Variants in MGAT5B observed in about 807,000 individuals in gnomAD.
MGAT5B encodes N-acetylglucosaminyl-transferase Vb.
MGAT5B carries 54 observed loss-of-function variants against 95.1 expected under a neutral mutation model. That is an observed-to-expected ratio of 0.57 (90% CI 0.46 to 0.71). The LOEUF is 0.71. Among genes scored for constraint, MGAT5B ranks in the 30% least tolerant of loss-of-function variants. The probability of loss-of-function intolerance (pLI) is 0.00; values close to 1 mark genes in which losing one functional copy is unlikely to be tolerated. For missense variants in MGAT5B, 935 were observed against 1,088.6 expected, an observed-to-expected ratio of 0.86 and a Z score of 1.99; for synonymous variants, 464 against 451.0, an observed-to-expected ratio of 1.03 and a Z score of -0.36.
At chr17:76,925,695 C>T (rs1406516478) in intron 9 of MGAT5B, among the ~76,000 whole-genome samples, 10 of 152,190 alleles carry the variant, frequency 6.6e-5, no homozygotes, top group Non-Finnish European at 1.3e-4. Context: ...AATGCGAGTT[C>T]TCTATGCACT....
chr17:76,894,429 C>T lies in MGAT5B; in HGVS notation c.330-8126C>T, dbSNP rs146180028. Among the ~76,000 whole-genome samples, 33 of 152,318 alleles carry T rather than the reference C, an allele frequency of 2.2e-4. No homozygotes were observed. The East Asian group carries it at 5.8e-3, about 27-fold the overall frequency. ...CAGAGTATAGAAAGAGCTTGGCAAG[C>T]GAGTGCTCAATGCCTGTTGGCTGTG... On this transcript the variant is annotated intron_variant, in intron 3 of 17. Transcript: ENST00000569840.
intron 12 of MGAT5B, among the ~76,000 whole-genome samples, chr17:76,937,265 G>A (rs1264084816): frequency 6.6e-6 from 1 of 152,166 alleles, no homozygotes; most frequent in African/African-American, 2.4e-5. Flanking sequence ...CAAATATGGA[G>A]CTTCCATCAG....
chr17:76,868,798 G>A lies in MGAT5B; in HGVS notation c.-232G>A, dbSNP rs1048035766. ...CCCCAAAATGTGAAGCGGGGAGGGC[G>A]GAGACGCAGAGACGGCCCGGCCGGG... On this transcript the variant is annotated 5_prime_UTR_variant, in exon 1 of 18. Transcript: ENST00000569840. The surrounding 1 kb of genome is among the most constrained non-coding windows in gnomAD (Gnocchi z 6.3). 15 of 289,028 alleles carry A rather than the reference G, an allele frequency of 5.2e-5. No individual in the cohort carries two copies. The highest frequency in any genetic ancestry group is 7.0e-5 in the Non-Finnish European group (11 of 157,294). 17.9% of individuals were successfully genotyped at this position (289,028 alleles called of 1,614,324 possible). A position where few individuals can be genotyped will look rare whatever the true frequency, so the allele number is the denominator to read the frequency against.
At chr17:76,873,333 G>A (rs1452570444) in intron 2 of MGAT5B, among the ~76,000 whole-genome samples, 1 of 152,258 alleles carries the variant, frequency 6.6e-6, no homozygotes, top group Non-Finnish European at 1.5e-5. Context: ...CTGTGGCCAT[G>A]TGGGAACGGG....
At position 76,868,904 on chromosome 17, in the gene MGAT5B, G is replaced by T; in HGVS notation, c.-126G>T. On this transcript the variant is annotated 5_prime_UTR_variant, in exon 1 of 18. Coordinates refer to ENST00000569840, the MANE Select transcript of MGAT5B (RefSeq NM_001199172.2). This position sits in a 1 kb window ranked among gnomAD's most constrained non-coding sequence, Gnocchi z 6.3. ...GAGCAGCGAGGCCACCGGGCCGCGC[G>T]CTCCCAGCTTCGCTCGGACGCGGCT... 3 of 807,000 alleles carry T rather than the reference G, an allele frequency of 3.7e-6. No individual in the cohort carries two copies. The highest frequency in any genetic ancestry group is 3.8e-6 in the Non-Finnish European group (2 of 532,744). 50.0% of individuals were successfully genotyped at this position (807,000 alleles called of 1,614,324 possible). A position where few individuals can be genotyped will look rare whatever the true frequency, so the allele number is the denominator to read the frequency against.
intron 3 of MGAT5B, among the ~76,000 whole-genome samples, chr17:76,898,180 AG>A (rs1968169110): frequency 6.6e-6 from 1 of 152,186 alleles, no homozygotes; most frequent in Non-Finnish European, 1.5e-5. Flanking sequence ...TAGGTTACAT[AG>A]GATATTTCTA....
intron 3 of MGAT5B, among the ~76,000 whole-genome samples, chr17:76,890,961 CTTTTTTTTTTTTT>C (rs150133278): frequency 2.7e-5 from 3 of 111,648 alleles, no homozygotes; most frequent in Admixed American, 1.9e-4. Flanking sequence ...CTCTGGGGGC[CTTTTTTTTTTTTT>C]TTTTTTTGGA....
At chr17:76,874,332 C>T (rs980384289) in intron 2 of MGAT5B, among the ~76,000 whole-genome samples, 7 of 151,020 alleles carry the variant, frequency 4.6e-5, no homozygotes, top group African/African-American at 1.5e-4. Context: ...GGCACTGCAG[C>T]AAAGCGTGTT....
intron 15 of MGAT5B, among the ~76,000 whole-genome samples, chr17:76,941,233 C>A (rs191436302): frequency 6.6e-6 from 1 of 152,372 alleles, no homozygotes; most frequent in Admixed American, 6.5e-5. Context: ...GCAGCCTTTA[C>A]ACAGCACATT....
intron 3 of MGAT5B, 150 bp downstream of exon 3, chr17:76,882,448 A>G (rs1967463994): frequency 3.4e-6 from 3 of 881,956 alleles, no homozygotes; most frequent in Non-Finnish European, 4.7e-6. Flanking sequence ...CTACCACCCA[A>G]ATTTAACAAC....
intron 10 of MGAT5B, among the ~76,000 whole-genome samples, chr17:76,931,848 A>G (rs1855527895): frequency 6.6e-6 from 1 of 152,140 alleles, no homozygotes; most frequent in African/African-American, 2.4e-5. Flanking sequence ...GATGCTGCCT[A>G]TGGGCGCAGG....
At chr17:76,942,503 G>A (rs188647896) in intron 15 of MGAT5B, among the ~76,000 whole-genome samples, 340 of 152,182 alleles carry the variant, frequency 2.2e-3, no homozygotes, top group Non-Finnish European at 3.3e-3. Context: ...CTCCAGCCTC[G>A]GTGACAGAGC....
rs202083973 is a variant in MGAT5B, at chr17:76,938,159, C to T, written c.1584+16C>T. The T allele has an allele frequency of 5.6e-6, 9 of 1,612,380 alleles. No individual in the cohort carries two copies. In the East Asian group the frequency reaches 1.1e-4, roughly 20 times the overall value. ...CAAGGCCAAAGTGAGCTCCCATCCC[C>T]CGCACCATTCTCACACTTGCCGGCT... On this transcript the variant is annotated intron_variant, in intron 13 of 17. Coordinates refer to ENST00000569840, the MANE Select transcript of MGAT5B (RefSeq NM_001199172.2). The surrounding 1 kb of genome is among the most constrained non-coding windows in gnomAD (Gnocchi z 4.3).
intron 3 of MGAT5B, among the ~76,000 whole-genome samples, chr17:76,888,842 C>T (rs1464333743): frequency 1.3e-5 from 2 of 152,202 alleles, no homozygotes; most frequent in African/African-American, 4.8e-5. Flanking sequence ...GCATAGCTGC[C>T]TTCCAGAGTT....
chr17:76,947,242 C>G (rs945990185), intron 16 of MGAT5B, among the ~76,000 whole-genome samples: 8 of 152,168 alleles, frequency 5.3e-5, no homozygotes, highest in African/African-American at 1.9e-4. Flanking sequence ...TTGGCCCCAC[C>G]AATATTAGGG....
chr17:76,901,046 C>T (rs1348179337), intron 3 of MGAT5B, among the ~76,000 whole-genome samples: 3 of 152,222 alleles, frequency 2.0e-5, no homozygotes, highest in South Asian at 2.1e-4. Flanking sequence ...CCCTCCACTT[C>T]GGTGTCTGCT....
At chr17:76,919,628 G>A (rs1212954195) in intron 8 of MGAT5B, among the ~76,000 whole-genome samples, 1 of 152,064 alleles carries the variant, frequency 6.6e-6, no homozygotes, top group African/African-American at 2.4e-5. Flanking sequence ...ATGGGGTTTC[G>A]CCATGTCATC....
chr17:76,872,689 G>A, intron 1 of MGAT5B, 162 bp from the exon 2 acceptor site: 19 of 1,533,868 alleles, frequency 1.2e-5, no homozygotes, highest in Non-Finnish European at 1.7e-5. Flanking sequence ...TATAGTGGGG[G>A]GGCCCTCCTG....
chr17:76,882,368 T>C (rs1568165867), intron 3 of MGAT5B, 70 bp downstream of exon 3: 16 of 1,509,524 alleles, frequency 1.1e-5, no homozygotes, highest in Non-Finnish European at 1.4e-5. Flanking sequence ...TCCGGGGTGC[T>C]GTCCGTCATC....
Sources: allele counts gnomAD v4.1 joint callset (sites outside exome capture counted in the v4.1 genomes callset), GRCh38; gene constraint gnomAD v4.1.1; non-coding constraint Gnocchi (gnomAD v3.1); transcripts MANE v1.5; gene names NCBI Gene and HGNC (gene_info 2026-07-23, HGNC 2026-07-21).